Variants in CA10 observed in about 807,000 individuals in gnomAD.
CA10 encodes carbonic anhydrase 10 (inactive), also known as carbonic anhydrase-related protein 10.
A neutral mutation model predicts 44.2 loss-of-function variants in CA10; 14 were observed. The ratio of observed to expected loss-of-function variants is 0.32; its 90% CI spans 0.21 to 0.50. The LOEUF is 0.50. Among genes scored for constraint, CA10 ranks in the 20% least tolerant of loss-of-function variants. The pLI is 0.99. For missense variants in CA10, 350 were observed against 409.7 expected (o/e 0.85, Z 1.26); for synonymous variants, 159 against 141.6 (o/e 1.12, Z -0.87).
At chr17:52,072,199 T>C in intron 2 of CA10, 120 bp downstream of exon 2, 1 of 647,986 alleles carries the variant, frequency 1.5e-6, no homozygotes, top group Non-Finnish European at 2.6e-6. Context: ...CTTGATGGAG[T>C]ATTCATTGCA....
At chr17:51,988,045 G>A (rs906288060) in intron 2 of CA10, among the ~76,000 whole-genome samples, 1 of 151,952 alleles carries the variant, frequency 6.6e-6, no homozygotes, top group African/African-American at 2.4e-5. Context: ...ATAATTTATG[G>A]GTGGGTGAAA....
intron 4 of CA10, among the ~76,000 whole-genome samples, chr17:51,710,682 G>A (rs981814229): frequency 2.2e-4 from 34 of 152,062 alleles, no homozygotes; most frequent in Admixed American, 2.2e-3. Flanking sequence ...AACATCCCCC[G>A]ACTGAGCTTC....
intron 2 of CA10, among the ~76,000 whole-genome samples, chr17:51,979,725 G>A (rs935823940): frequency 1.3e-5 from 2 of 152,088 alleles, no homozygotes; most frequent in African/African-American, 4.8e-5. Flanking sequence ...ATGGACGGCA[G>A]GCCTTATTTG....
intron 2 of CA10, among the ~76,000 whole-genome samples, chr17:51,941,835 C>G (rs1270689208): frequency 6.6e-6 from 1 of 152,114 alleles, no homozygotes; most frequent in African/African-American, 2.4e-5. Context: ...TCTGGTGAAG[C>G]ACTTCTAAAA....
rs112612753 is a variant in CA10 at position 51,913,373 on chromosome 17, T to C, written c.279+17617A>G. Among the ~76,000 whole-genome samples, 1,222 of 152,220 alleles carry C rather than the reference T, an allele frequency of 8.0e-3. 14 individuals are homozygous for C. The highest frequency in any genetic ancestry group is 0.028 in the African/African-American group (1,174 of 41,558). ...TATGCCTAGGAGAGACATCTTTGTGTTGGTGACTCAGTCTCTGAGTCTCAC... is the reference window on the plus strand; with the variant it reads ...TATGCCTAGGAGAGACATCTTTGTGCTGGTGACTCAGTCTCTGAGTCTCAC... On this transcript the variant is annotated intron_variant, in intron 3 of 8. Transcript: ENST00000451037.
chr17:51,842,628 T>C (rs947013992), intron 3 of CA10, among the ~76,000 whole-genome samples: 1 of 152,204 alleles, frequency 6.6e-6, no homozygotes, highest in Non-Finnish European at 1.5e-5. Context: ...TAAGGCATCG[T>C]TGGCATGAAA....
intron 3 of CA10, among the ~76,000 whole-genome samples, chr17:51,909,989 C>T (rs1981722808): frequency 6.6e-6 from 1 of 152,036 alleles, no homozygotes; most frequent in African/African-American, 2.4e-5. Flanking sequence ...AAAATGTTGC[C>T]CTGCACTGCT....
At position 51,635,824 on chromosome 17, in the gene CA10, C is replaced by G. The variant is rs1263808820; in HGVS notation, c.789+31G>C. The G allele has an allele frequency of 2.0e-6, 3 of 1,506,148 alleles. No homozygotes were observed. The South Asian group carries it at 3.8e-5, about 19-fold the overall frequency. The allele number at this position is 1,506,148 out of a possible 1,614,324, so 93.3% of individuals were successfully genotyped here. On this transcript the variant is annotated intron_variant, in intron 7 of 8. Transcript: ENST00000451037. ...GATTTTTTTTTAACATCATTCTTCTCCATTAGCTAAATGACCAGAGAGAAA... is the reference window on the plus strand; with the variant it reads ...GATTTTTTTTTAACATCATTCTTCTGCATTAGCTAAATGACCAGAGAGAAA...
At chr17:51,916,174 T>C (rs1188291407) in intron 3 of CA10, among the ~76,000 whole-genome samples, 1 of 152,142 alleles carries the variant, frequency 6.6e-6, no homozygotes, top group Non-Finnish European at 1.5e-5. Context: ...GGTTGCCACC[T>C]GGGTTGTGAA....
At chr17:51,859,050 TATTAATTA>T (rs149156202) in intron 3 of CA10, among the ~76,000 whole-genome samples, 3 of 152,080 alleles carry the variant, frequency 2.0e-5, no homozygotes, top group Admixed American at 2.0e-4. Context: ...GTTAGTTAAT[TATTAATTA>T]ATTGTTAGTT....
intron 1 of CA10, among the ~76,000 whole-genome samples, chr17:52,077,030 T>C (rs1010277881): frequency 1.3e-5 from 2 of 152,210 alleles, no homozygotes; most frequent in Admixed American, 6.5e-5. Context: ...GGAAAAGATA[T>C]ACATAGCAAG....
intron 1 of CA10, among the ~76,000 whole-genome samples, chr17:52,124,668 C>T (rs1443451666): frequency 6.6e-6 from 1 of 152,250 alleles, no homozygotes; most frequent in Non-Finnish European, 1.5e-5. Flanking sequence ...CCATGCTAAC[C>T]TGGCAGGATC....
intron 2 of CA10, among the ~76,000 whole-genome samples, chr17:51,932,572 T>G (rs151175607): frequency 6.6e-6 from 1 of 152,252 alleles, no homozygotes; most frequent in South Asian, 2.1e-4. Context: ...TCTAATTTGG[T>G]TTCATCCATG....
In CA10 at chr17:51,950,991, A is replaced by G. The variant is rs142058706; in HGVS notation, c.137-19859T>C. On this transcript the variant is annotated intron_variant, in intron 2 of 8. Coordinates refer to ENST00000451037, the MANE Select transcript of CA10 (RefSeq NM_020178.5). ...ATATTTTCCTCCTAGGTCCCAATGG[A>G]TTGTCTTGCACATTCCATTTTGGAA... 1.2e-3 allele frequency among the ~76,000 whole-genome samples: 185 copies of G among 152,212 alleles called. 5 individuals carry two copies. In the South Asian group the frequency reaches 0.023, roughly 19 times the overall value.
At chr17:51,998,479 A>G (rs1985313154) in intron 2 of CA10, among the ~76,000 whole-genome samples, 1 of 151,934 alleles carries the variant, frequency 6.6e-6, no homozygotes, top group Admixed American at 6.6e-5. Context: ...TAAAACACCA[A>G]CCTTATAAAA....
At chr17:51,826,717 G>A (rs1908021807) in intron 3 of CA10, among the ~76,000 whole-genome samples, 1 of 152,172 alleles carries the variant, frequency 6.6e-6, no homozygotes, top group African/African-American at 2.4e-5. Flanking sequence ...CCAATGAGGG[G>A]CCCTGGCAGG....
chr17:51,930,520 G>A (rs1266287839), intron 3 of CA10, among the ~76,000 whole-genome samples: 5 of 152,018 alleles, frequency 3.3e-5, no homozygotes, highest in Non-Finnish European at 7.4e-5. Flanking sequence ...GATGCCCCTA[G>A]GAAGATTAAT....
intron 4 of CA10, among the ~76,000 whole-genome samples, chr17:51,655,607 A>T (rs1286176592): frequency 5.3e-5 from 8 of 152,220 alleles, no homozygotes; most frequent in Admixed American, 4.6e-4. Flanking sequence ...GCCTTCTCAC[A>T]TTCTGATTTA....
At chr17:52,045,606 T>G (rs572866366) in intron 2 of CA10, among the ~76,000 whole-genome samples, 32 of 151,854 alleles carry the variant, frequency 2.1e-4, no homozygotes, top group African/African-American at 7.5e-4. Flanking sequence ...TCAAAATAAA[T>G]AAAGAAAAAT....
Sources: gnomAD v4.1 joint callset for allele counts (sites outside exome capture counted in the v4.1 genomes callset) on GRCh38, gnomAD v4.1.1 for gene constraint, MANE v1.5 for transcripts, NCBI Gene and HGNC (gene_info 2026-07-23, HGNC 2026-07-21) for gene names.